The following ARRB2 variants were observed in gnomAD, a reference collection of about 807,000 sequenced individuals.
The protein encoded by ARRB2 is beta-arrestin-2.
A neutral mutation model predicts 53.4 loss-of-function variants in ARRB2; 21 were observed. The observed-to-expected ratio is 0.39, with a 90% CI of 0.28 to 0.57. ARRB2 has a LOEUF of 0.57. ARRB2 is among the 20% of genes least tolerant of loss of function. The pLI is 0.55. For missense variants in ARRB2, 369 were observed against 527.5 expected (o/e 0.70, Z 2.94); for synonymous variants, 180 against 212.9 (o/e 0.85, Z 1.34).
intron 10 of ARRB2, 52 bp downstream of exon 10, chr17:4,718,736 A>G (rs758979008): frequency 6.5e-7 from 1 of 1,531,304 alleles, no homozygotes; most frequent in South Asian, 1.2e-5. Flanking sequence ...GAGCAGGATC[A>G]GGAGAATGTG....
At chr17:4,718,998 C>A (rs1915393569) in intron 10 of ARRB2, among the ~76,000 whole-genome samples, 1 of 152,104 alleles carries the variant, frequency 6.6e-6, no homozygotes, top group African/African-American at 2.4e-5. Context: ...AGTTGCGAAC[C>A]CCTGACCTCA....
At chr17:4,719,240 C>G in intron 10 of ARRB2, 43 bp from the exon 11 acceptor site, 1 of 1,590,168 alleles carries the variant, frequency 6.3e-7, no homozygotes, top group Non-Finnish European at 8.6e-7. Flanking sequence ...CCTTGCCCAG[C>G]CCAGCGCCCC....
rs1178745743 is a variant in ARRB2 at position 4,721,480 on chromosome 17, T to C, written c.*441T>C. Reference sequence around the variant, plus strand: ...TTGTTTCTGAGCATAAAGAAGAAAATAAATCTTTTACTAAGCATGAGTGTG... The same window carrying C: ...TTGTTTCTGAGCATAAAGAAGAAAACAAATCTTTTACTAAGCATGAGTGTG... On this transcript the variant is annotated 3_prime_UTR_variant, in exon 15 of 15. Transcript: ENST00000269260. This position sits in a 1 kb window ranked among gnomAD's most constrained non-coding sequence, Gnocchi z 4.2. The C allele has an allele frequency of 1.5e-4, 55 of 360,980 alleles. No homozygotes were observed. The East Asian group carries it at 2.2e-3, about 14-fold the overall frequency. 22.4% of individuals were successfully genotyped at this position (360,980 alleles called of 1,614,324 possible).
Position 4,717,989 on chromosome 17 carries a change from G to T in ARRB2, c.587G>T (p.Arg196Leu). ...ACACGCCACTTCCTCATGTCTGACC[G>T]GTCCCTGCACCTCGAGGCTTCCCTG... The part of the protein sequence containing the change: ...ETTRHFLMSD[R>L]SLHLEASLDK... Residue 196 changes from arginine to leucine, a missense_variant, in exon 8 of 15, where the codon CGG (arginine) becomes CTG (leucine). Coordinates refer to ENST00000269260, the MANE Select transcript of ARRB2 (RefSeq NM_004313.4). This position sits in a 1 kb window ranked among gnomAD's most constrained non-coding sequence, Gnocchi z 6.0. 1 of 1,613,568 alleles carries T rather than the reference G, an allele frequency of 6.2e-7. No individual in the cohort carries two copies. Among genetic ancestry groups the T allele is most frequent in the Non-Finnish European group, 8.5e-7 (1 of 1,180,010 alleles).
In ARRB2 at chr17:4,717,034, A is replaced by C. The variant is rs1915142729; in HGVS notation, c.358-183A>C. 1.5e-6 allele frequency: 1 copy of C among 670,770 alleles called. No individual in the cohort carries two copies. Among genetic ancestry groups the C allele is most frequent in the Non-Finnish European group, 2.6e-6 (1 of 386,062 alleles). 41.6% of individuals were successfully genotyped at this position (670,770 alleles called of 1,614,324 possible). On this transcript the variant is annotated intron_variant, in intron 5 of 14. Transcript: ENST00000269260. This position sits in a 1 kb window ranked among gnomAD's most constrained non-coding sequence, Gnocchi z 6.0. ...TTTTTAGTAGTGATGGGGTTTTGCC[A>C]CGTTGGTCAGGCTGGTCTGGAACCC...
intron 4 of ARRB2, 84 bp downstream of exon 4, chr17:4,716,275 A>C: frequency 6.2e-7 from 1 of 1,608,638 alleles, no homozygotes; most frequent in Non-Finnish European, 8.5e-7. Context: ...CGCCCCAGAG[A>C]GATGGAGGCT....
At chr17:4,720,912 C>A (rs1035899181) in intron 14 of ARRB2, 34 bp from the exon 15 acceptor site, 2 of 1,601,726 alleles carry the variant, frequency 1.2e-6, no homozygotes, top group African/African-American at 1.3e-5. Context: ...GAGTCAGAAG[C>A]CCTCACCTCA....
chr17:4,718,149 G>C, intron 8 of ARRB2, 112 bp from the exon 9 acceptor site: 1 of 1,555,436 alleles, frequency 6.4e-7, no homozygotes. Context: ...AGTTGCCGTG[G>C]GCTTGGGTTT....
At position 4,716,043 on chromosome 17, in the gene ARRB2, C is replaced by T. The variant is rs758210124; in HGVS notation, c.115+10C>T. On this transcript the variant is annotated intron_variant, in intron 3 of 14. Transcript: ENST00000269260. ...AAAGTGGACCCTGTAGGTAAGTTTT[C>T]CCAGAAAGGGACAGCTCGTTCCCCA... is the stretch of plus-strand genomic sequence containing the variant. 4 of 1,614,184 alleles carry T rather than the reference C, an allele frequency of 2.5e-6. No individual in the cohort carries two copies. In the South Asian group the frequency reaches 4.4e-5, roughly 18 times the overall value.
intron 1 of ARRB2, among the ~76,000 whole-genome samples, chr17:4,712,679 T>A (rs933269795): frequency 5.9e-5 from 9 of 152,360 alleles, no homozygotes; most frequent in Middle Eastern, 3.4e-3. Context: ...GCCAGATCAC[T>A]GGGGTTGCCA....
intron 1 of ARRB2, among the ~76,000 whole-genome samples, chr17:4,712,046 G>T (rs1914466027): frequency 6.6e-6 from 1 of 152,216 alleles, no homozygotes; most frequent in Non-Finnish European, 1.5e-5. Flanking sequence ...CCTTGCAGCT[G>T]CTCCAGGGCA....
At position 4,717,100 on chromosome 17, in the gene ARRB2, T is replaced by C; in HGVS notation, c.358-117T>C. 1 of 1,193,796 alleles carries C rather than the reference T, an allele frequency of 8.4e-7. No homozygotes were observed. Among genetic ancestry groups the C allele is most frequent in the South Asian group, 1.2e-5 (1 of 80,524 alleles). The allele number at this position is 1,193,796 out of a possible 1,614,324, so 74.0% of individuals were successfully genotyped here. The stretch of plus-strand genomic sequence containing the variant: ...CCGCCCACCTTAGCCTTCCAAAGTG[T>C]TGGGATTACAGGCATGAGCCACCAC... On this transcript the variant is annotated intron_variant, in intron 5 of 14. Transcript: ENST00000269260. The surrounding 1 kb of genome is among the most constrained non-coding windows in gnomAD (Gnocchi z 6.0).
intron 2 of ARRB2, chr17:4,715,730 C>CAA (rs1914962982): frequency 2.4e-5 from 13 of 531,632 alleles, no homozygotes; most frequent in East Asian, 3.2e-5. Flanking sequence ...CACACAAACA[C>CAA]ACACACACCG....
rs1009212449 is a variant in ARRB2, at chr17:4,716,344, C to T, written c.161-68C>T. The T allele has an allele frequency of 2.5e-5, 40 of 1,612,010 alleles. No individual in the cohort carries two copies. The African/African-American group carries it at 4.4e-4, about 18-fold the overall frequency. ...TCTTATGCTGCTGAGGGAGGAGCAGCGGCTGCTAGGTGCCAGGGGACTGGG... is the reference window on the plus strand; with the variant it reads ...TCTTATGCTGCTGAGGGAGGAGCAGTGGCTGCTAGGTGCCAGGGGACTGGG... On this transcript the variant is annotated intron_variant, in intron 4 of 14. Coordinates refer to ENST00000269260, the MANE Select transcript of ARRB2 (RefSeq NM_004313.4).
Position 4,718,225 on chromosome 17 carries a change from C to A in ARRB2, c.622-36C>A, listed in dbSNP as rs199688680. 11 of 1,586,372 alleles carry A rather than the reference C, an allele frequency of 6.9e-6. No homozygotes were observed. The East Asian group carries it at 2.0e-4, about 29-fold the overall frequency. On this transcript the variant is annotated intron_variant, in intron 8 of 14. Transcript: ENST00000269260. Reference sequence around the variant, plus strand: ...ACACTGATGATGGGAACAGTGAAAACCAGTTCCAATTCACATGACCCCCTC... The same window carrying A: ...ACACTGATGATGGGAACAGTGAAAAACAGTTCCAATTCACATGACCCCCTC...
Position 4,718,855 on chromosome 17 carries a change from C to T in ARRB2, c.779+171C>T, listed in dbSNP as rs549699760. On this transcript the variant is annotated intron_variant, in intron 10 of 14. Transcript: ENST00000269260. ...GGAGTGCAATGGGGCAACCTCTGCT[C>T]ACTGCAACCTCCACCTCCCGGGTTC... 1.5e-4 allele frequency among the ~76,000 whole-genome samples: 22 copies of T among 149,908 alleles called. No homozygotes were observed. In the South Asian group the frequency reaches 4.2e-3, roughly 29 times the overall value.
intron 1 of ARRB2, 62 bp downstream of exon 1, chr17:4,710,806 G>C (rs527548632): frequency 2.5e-6 from 1 of 398,240 alleles, no homozygotes; most frequent in South Asian, 1.2e-4. Flanking sequence ...GGCTGGGACG[G>C]TCCCAGACGA....
At chr17:4,720,830 C>A in intron 14 of ARRB2, 116 bp from the exon 15 acceptor site, 2 of 1,149,400 alleles carry the variant, frequency 1.7e-6, no homozygotes, top group Non-Finnish European at 2.5e-6. Flanking sequence ...ACCTCTGGTC[C>A]CACTGCTGTT....
chr17:4,715,958 C>G lies in ARRB2; in HGVS notation c.55-15C>G. 4 of 1,614,158 alleles carry G rather than the reference C, an allele frequency of 2.5e-6. No homozygotes were observed. The highest frequency in any genetic ancestry group is 3.4e-6 in the Non-Finnish European group (4 of 1,180,018). On this transcript the variant is annotated splice_polypyrimidine_tract_variant and intron_variant, in intron 2 of 14. Coordinates refer to ENST00000269260, the MANE Select transcript of ARRB2 (RefSeq NM_004313.4). ...ATCCTCCCCAATCTCCCCTGTGACC[C>G]CTTGACATCCTCAGCTCACCGTGTA...
Sources: gnomAD v4.1 joint callset for allele counts (sites outside exome capture counted in the v4.1 genomes callset) on GRCh38, gnomAD v4.1.1 for gene constraint, Gnocchi (gnomAD v3.1) non-coding constraint, MANE v1.5 for transcripts, NCBI Gene and HGNC (gene_info 2026-07-23, HGNC 2026-07-21) for gene names.